Variants in POU6F2 observed in about 807,000 individuals in gnomAD.
The protein encoded by POU6F2 is POU class 6 homeobox 2, also known as POU domain, class 6, transcription factor 2.
A neutral mutation model predicts 71.3 loss-of-function variants in POU6F2; 31 were observed. The ratio of observed to expected loss-of-function variants is 0.43; its 90% CI spans 0.33 to 0.59. The LOEUF (loss-of-function observed/expected upper bound fraction) is 0.59, where lower values mean the gene tolerates loss of function less well. POU6F2 is among the 20% of genes least tolerant of loss of function. The probability of loss-of-function intolerance (pLI) is 0.04; values close to 1 mark genes in which losing one functional copy is unlikely to be tolerated. For missense variants in POU6F2, 783 were observed against 856.8 expected (o/e 0.91, Z 1.07); for synonymous variants, 347 against 355.7 (o/e 0.98, Z 0.27).
intron 2 of POU6F2, among the ~76,000 whole-genome samples, chr7:39,135,635 C>G (rs1237133038): frequency 1.3e-5 from 2 of 151,954 alleles, no homozygotes; most frequent in Non-Finnish European, 2.9e-5. Context: ...GGAACACTAA[C>G]AGGAGGATAC....
rs568857655 is a variant in POU6F2, at chr7:39,413,046, C to T, written c.1113+6306C>T. 8.1e-4 allele frequency among the ~76,000 whole-genome samples: 122 copies of T among 151,414 alleles called. 2 individuals are homozygous for T. Among genetic ancestry groups the T allele is most frequent in the African/African-American group, 2.5e-3 (105 of 41,352 alleles). On this transcript the variant is annotated intron_variant, in intron 6 of 9. Coordinates refer to ENST00000518318, the MANE Select transcript of POU6F2 (RefSeq NM_001370959.1). ...GTCTCGATCTGCTGACCTCGTGATC[C>T]GCCTGCCTCGGCCCCCCAAAGTGCT... is the stretch of plus-strand genomic sequence containing the variant.
chr7:39,079,483 C>G (rs1376658257), intron 1 of POU6F2, among the ~76,000 whole-genome samples: 2 of 152,118 alleles, frequency 1.3e-5, no homozygotes, highest in Non-Finnish European at 2.9e-5. Context: ...GGCCAAGTCT[C>G]ACAATATCCT....
intron 1 of POU6F2, among the ~76,000 whole-genome samples, chr7:39,019,664 T>A (rs1789636442): frequency 6.8e-6 from 1 of 147,710 alleles, no homozygotes; most frequent in Non-Finnish European, 1.5e-5. Flanking sequence ...TTTTTTTTTT[T>A]AAGATTCTGG....
At chr7:39,082,794 G>GCACACACACACA (rs35710081) in intron 1 of POU6F2, among the ~76,000 whole-genome samples, 27 of 137,166 alleles carry the variant, frequency 2.0e-4, no homozygotes, top group Admixed American at 3.0e-4. Flanking sequence ...ACCATGTCAT[G>GCACACACACACA]CACACACACA....
At chr7:39,278,487 C>T (rs1268598460) in intron 4 of POU6F2, among the ~76,000 whole-genome samples, 2 of 152,134 alleles carry the variant, frequency 1.3e-5, no homozygotes, top group Admixed American at 6.5e-5. Context: ...AATGAGGATG[C>T]CTGGCAACTT....
chr7:38,985,393 C>A (rs1200325985), intron 1 of POU6F2, among the ~76,000 whole-genome samples: 2 of 151,896 alleles, frequency 1.3e-5, no homozygotes, highest in African/African-American at 4.8e-5. Context: ...ATGGTCAGGG[C>A]GAACTCTGGT....
chr7:39,337,608 A>G (rs1562795167), intron 4 of POU6F2, among the ~76,000 whole-genome samples: 1 of 152,178 alleles, frequency 6.6e-6, no homozygotes, highest in Non-Finnish European at 1.5e-5. Flanking sequence ...TGCTTTACAC[A>G]ATGAGCCACT....
intron 6 of POU6F2, among the ~76,000 whole-genome samples, chr7:39,412,733 C>T (rs1046124920): frequency 7.0e-6 from 1 of 142,482 alleles, no homozygotes; most frequent in African/African-American, 2.6e-5. Flanking sequence ...TGTTTAACCA[C>T]CTAGATATTA....
intron 2 of POU6F2, 47 bp downstream of exon 2, chr7:39,086,078 A>G (rs1184296504): frequency 3.8e-6 from 6 of 1,580,094 alleles, no homozygotes; most frequent in Non-Finnish European, 4.3e-6. Context: ...TGTTGTCCGG[A>G]AGAGCAATCC....
chr7:39,207,270 G>T, intron 3 of POU6F2, 122 bp from the exon 4 acceptor site: 1 of 818,198 alleles, frequency 1.2e-6, no homozygotes, highest in Non-Finnish European at 1.9e-6. Flanking sequence ...AATGAGATAG[G>T]GCATGTTTTT....
intron 1 of POU6F2, among the ~76,000 whole-genome samples, chr7:39,038,590 A>G (rs1321051438): frequency 6.6e-6 from 1 of 151,960 alleles, no homozygotes; most frequent in Non-Finnish European, 1.5e-5. Flanking sequence ...CTCATTTTTC[A>G]TTCTGGCTTG....
chr7:38,991,103 T>A (rs1788593115), intron 1 of POU6F2, among the ~76,000 whole-genome samples: 1 of 152,124 alleles, frequency 6.6e-6, no homozygotes, highest in African/African-American at 2.4e-5. Context: ...AGTCAGCACA[T>A]TAACTTGATA....
chr7:39,080,474 C>T (rs1366154195), intron 1 of POU6F2, among the ~76,000 whole-genome samples: 1 of 152,132 alleles, frequency 6.6e-6, no homozygotes, highest in African/African-American at 2.4e-5. Context: ...TGTTTCTATC[C>T]TTTCTCCCAA....
chr7:39,212,476 C>T (rs1434826565), intron 4 of POU6F2, among the ~76,000 whole-genome samples: 1 of 152,168 alleles, frequency 6.6e-6, no homozygotes, highest in African/African-American at 2.4e-5. Flanking sequence ...ACCTCCTCCT[C>T]AAAGCCCTGT....
intron 4 of POU6F2, among the ~76,000 whole-genome samples, chr7:39,296,990 G>A (rs988275387): frequency 2.0e-5 from 3 of 152,134 alleles, no homozygotes; most frequent in African/African-American, 7.2e-5. Context: ...AGAACAATAT[G>A]TACAGCCCGG....
At chr7:39,100,374 C>G (rs151023646) in intron 2 of POU6F2, among the ~76,000 whole-genome samples, 36 of 152,338 alleles carry the variant, frequency 2.4e-4, no homozygotes, top group African/African-American at 8.4e-4. Context: ...AATATTTACA[C>G]ATTTTGGTTG....
At chr7:39,440,175 T>A (rs1251013851) in intron 7 of POU6F2, among the ~76,000 whole-genome samples, 2 of 152,186 alleles carry the variant, frequency 1.3e-5, no homozygotes, top group African/African-American at 4.8e-5. Context: ...GTTGATCTTC[T>A]CATAAGATAT....
chr7:39,314,142 G>T (rs1785218304), intron 4 of POU6F2, among the ~76,000 whole-genome samples: 1 of 152,308 alleles, frequency 6.6e-6, no homozygotes, highest in South Asian at 2.1e-4. Context: ...TGCAGGTCAG[G>T]TCCCTGGCTT....
chr7:38,997,314 C>A (rs1229019), intron 1 of POU6F2, among the ~76,000 whole-genome samples: 47,320 of 152,044 alleles, frequency 0.31, 7,590 homozygotes, highest in Middle Eastern at 0.38. Flanking sequence ...TCAGACTCTA[C>A]ACTCTAGTCT....
Sources: allele counts gnomAD v4.1 joint callset (sites outside exome capture counted in the v4.1 genomes callset), GRCh38; gene constraint gnomAD v4.1.1; transcripts MANE v1.5; gene names NCBI Gene and HGNC (gene_info 2026-07-23, HGNC 2026-07-21).